Variants in EPB41L1 observed in about 807,000 individuals in gnomAD.
EPB41L1 encodes erythrocyte membrane protein band 4.1 like 1, also known as band 4.1-like protein 1.
A neutral mutation model predicts 97.8 loss-of-function variants in EPB41L1; 29 were observed. The ratio of observed to expected loss-of-function variants is 0.30; its 90% CI spans 0.22 to 0.40. The LOEUF (loss-of-function observed/expected upper bound fraction) is 0.40. Ranked by LOEUF, EPB41L1 falls within the 10% of genes least tolerant of loss-of-function variation. The pLI is 1.00. For missense variants in EPB41L1, 812 were observed against 1,162.3 expected, an observed-to-expected ratio of 0.70 and a Z score of 4.38; for synonymous variants, 383 against 459.2, an observed-to-expected ratio of 0.83 and a Z score of 2.12.
chr20:36,219,562 A>C (rs1017943456), intron 18 of EPB41L1, among the ~76,000 whole-genome samples, 199 bp from the exon 19 acceptor site: 6 of 152,148 alleles, frequency 3.9e-5, no homozygotes, highest in Non-Finnish European at 8.8e-5. Flanking sequence ...AGCGTCTAGG[A>C]ATCTCAGACT....
chr20:36,187,661 C>T lies in EPB41L1; in HGVS notation c.786-15C>T. Reference sequence around the variant, plus strand: ...CCTTTCCCTTGGTCACCTGTGATCACTTTCTTTCCCTCAGGGGGATGACCC... The same window carrying T: ...CCTTTCCCTTGGTCACCTGTGATCATTTTCTTTCCCTCAGGGGGATGACCC... On this transcript the variant is annotated splice_polypyrimidine_tract_variant and intron_variant, in intron 7 of 21. Transcript: ENST00000338074. 6.2e-7 allele frequency: 1 copy of T among 1,612,092 alleles called. No homozygotes were observed.
intron 14 of EPB41L1, among the ~76,000 whole-genome samples, chr20:36,200,016 A>G (rs2062415326): frequency 1.3e-5 from 2 of 152,156 alleles, no homozygotes; most frequent in African/African-American, 4.8e-5. Context: ...AGTATAGTCC[A>G]CTGCTGGAAA....
chr20:36,168,839 G>A (rs867226540), intron 1 of EPB41L1, among the ~76,000 whole-genome samples: 9 of 151,788 alleles, frequency 5.9e-5, no homozygotes, highest in Non-Finnish European at 7.4e-5. Context: ...GGCGTGAGCC[G>A]CCACACTGGG....
At position 36,123,176 on chromosome 20, in the gene EPB41L1, G is replaced by T. The variant is rs150473837; in HGVS notation, c.-10+10696G>T. Among the ~76,000 whole-genome samples, 932 of 152,112 alleles carry T rather than the reference G, an allele frequency of 6.1e-3. 8 individuals are homozygous for T. The highest frequency in any genetic ancestry group is 0.021 in the African/African-American group (883 of 41,490). On this transcript the variant is annotated intron_variant, in intron 2 of 19. Transcript: ENST00000202028. ...GCTTTCTGAACGTCTCCATGATCGGGGGGGAGGGGCAGAGGTAGAGAACAA... is the reference window on the plus strand; with the variant it reads ...GCTTTCTGAACGTCTCCATGATCGGTGGGGAGGGGCAGAGGTAGAGAACAA...
intron 14 of EPB41L1, among the ~76,000 whole-genome samples, chr20:36,201,604 C>T (rs1388933203): frequency 6.6e-6 from 1 of 152,198 alleles, no homozygotes; most frequent in Non-Finnish European, 1.5e-5. Context: ...CAAAAGTGGA[C>T]ATCTTTCTCT....
chr20:36,155,591 C>T, intron 1 of EPB41L1: 1 of 456,492 alleles, frequency 2.2e-6, no homozygotes, highest in Non-Finnish European at 4.4e-6. Context: ...CATTGGGGTA[C>T]TTACTGGGTG....
At chr20:36,154,655 C>CGCGTCGGGCGCCAGGCCCGGGGCTGTGG, upstream of EPB41L1, 1 of 971,206 alleles carries the variant, frequency 1.0e-6, no homozygotes, top group Non-Finnish European at 1.2e-6. This position sits in a 1 kb window ranked among gnomAD's most constrained non-coding sequence, Gnocchi z 5.5. Context: ...GGGCTGGCCG[C>CGCGTCGGGCGCCAGGCCCGGGGCTGTGG]GCGTCGGGCG....
At chr20:36,188,203 A>C (rs1421440663) in intron 8 of EPB41L1, 144 bp from the exon 9 acceptor site, 1 of 1,060,004 alleles carries the variant, frequency 9.4e-7, no homozygotes, top group Non-Finnish European at 1.5e-6. Flanking sequence ...GGGATTGGTC[A>C]GTGGGACTCC....
At chr20:36,144,493 G>A (rs1210799521) in intron 2 of EPB41L1, among the ~76,000 whole-genome samples, 3 of 152,188 alleles carry the variant, frequency 2.0e-5, no homozygotes, top group East Asian at 3.8e-4. Context: ...AACCCATGGG[G>A]CATCTCCTGA....
intron 17 of EPB41L1, 27 bp downstream of exon 17, chr20:36,214,467 C>T: frequency 6.3e-7 from 1 of 1,577,594 alleles, no homozygotes; most frequent in South Asian, 1.1e-5. Flanking sequence ...AGGCTTCCCT[C>T]TCTGACCAGC....
At chr20:36,101,150 G>A (rs2058002946) in intron 1 of EPB41L1, among the ~76,000 whole-genome samples, 1 of 152,218 alleles carries the variant, frequency 6.6e-6, no homozygotes, top group African/African-American at 2.4e-5. Context: ...TGCAGGCTCA[G>A]TGACGGGTGG....
intron 16 of EPB41L1, among the ~76,000 whole-genome samples, chr20:36,213,649 T>C (rs1034531605): frequency 5.9e-5 from 9 of 152,066 alleles, no homozygotes; most frequent in African/African-American, 1.9e-4. Flanking sequence ...GAAACTAAAA[T>C]TGGCCCTAGA....
At chr20:36,194,468 T>C (rs565468301) in intron 12 of EPB41L1, 108 bp downstream of exon 12, 1 of 1,407,374 alleles carries the variant, frequency 7.1e-7, no homozygotes, top group Non-Finnish European at 9.8e-7. Flanking sequence ...CCAAGCACCC[T>C]TACTATGGAG....
intron 14 of EPB41L1, 23 bp downstream of exon 14, chr20:36,198,064 C>T (rs1016499027): frequency 1.2e-5 from 19 of 1,607,304 alleles, no homozygotes; most frequent in East Asian, 6.7e-5. Context: ...CTGAACCCCT[C>T]GATAGGGGCC....
chr20:36,201,163 T>C (rs2062474953), intron 14 of EPB41L1, among the ~76,000 whole-genome samples: 1 of 152,148 alleles, frequency 6.6e-6, no homozygotes, highest in African/African-American at 2.4e-5. Context: ...CAGAGATCCA[T>C]AAAGGGCCAG....
rs2064549852 is a variant in EPB41L1, at chr20:36,232,787, A to G, written c.*3447A>G. ...AATATAAGTGAAATAAATGTGTTTG[A>G]TGCTGAACCATACTTCCTTGGCACC... On this transcript the variant is annotated 3_prime_UTR_variant, in exon 22 of 22. Transcript: ENST00000338074. The G allele has an allele frequency of 7.8e-6, 3 of 386,126 alleles. No individual in the cohort carries two copies. Among genetic ancestry groups the G allele is most frequent in the Non-Finnish European group, 1.4e-5 (3 of 219,542 alleles). 23.9% of individuals were successfully genotyped at this position (386,126 alleles called of 1,614,324 possible). A position where few individuals can be genotyped will look rare whatever the true frequency, so the allele number is the denominator to read the frequency against.
chr20:36,171,133 C>CT (rs11484332), intron 1 of EPB41L1, among the ~76,000 whole-genome samples: 34,264 of 144,686 alleles, frequency 0.24, 4,479 homozygotes, highest in African/African-American at 0.36. Context: ...GTCTGTGATG[C>CT]TTTTTTTTTT....
rs34245288 is a variant in EPB41L1 at position 36,129,549 on chromosome 20, C to T, written c.-10+17069C>T. Among the ~76,000 whole-genome samples, 134 of 152,060 alleles carry T rather than the reference C, an allele frequency of 8.8e-4. 1 individual carries two copies. Among genetic ancestry groups the T allele is most frequent in the African/African-American group, 3.1e-3 (127 of 41,472 alleles). On this transcript the variant is annotated intron_variant, in intron 2 of 19. Transcript: ENST00000202028. The stretch of plus-strand genomic sequence containing the variant: ...GGGTCACTAGCGGGTCCCAGGCCAC[C>T]CTGACCCCAGGCTCACTGCTCCCGA...
At chr20:36,152,323 C>G (rs2060088658), upstream of EPB41L1, 1 of 152,544 alleles carries the variant, frequency 6.6e-6, no homozygotes, top group Non-Finnish European at 1.5e-5. Context: ...AGAACGATGT[C>G]TGGGAACATC....
Sources: gnomAD v4.1 joint callset for allele counts (sites outside exome capture counted in the v4.1 genomes callset) on GRCh38, gnomAD v4.1.1 for gene constraint, Gnocchi (gnomAD v3.1) non-coding constraint, MANE v1.5 for transcripts, NCBI Gene and HGNC (gene_info 2026-07-23, HGNC 2026-07-21) for gene names.